Variants in LRRC4C observed in about 807,000 individuals in gnomAD.
LRRC4C encodes leucine-rich repeat-containing protein 4C.
A neutral mutation model predicts 33.6 loss-of-function variants in LRRC4C; 5 were observed. The ratio of observed to expected loss-of-function variants is 0.15; its 90% CI spans 0.08 to 0.31. LRRC4C has a LOEUF of 0.31. LRRC4C is among the 10% of genes least tolerant of loss of function. The probability of loss-of-function intolerance (pLI) is 1.00; values close to 1 mark genes in which losing one functional copy is unlikely to be tolerated. For synonymous variants in LRRC4C, 329 were observed against 302.0 expected, an observed-to-expected ratio of 1.09 and a Z score of -0.93; for missense variants, 560 against 796.7, an observed-to-expected ratio of 0.70 and a Z score of 3.58.
chr11:40,432,474 C>T (rs959816148), intron 3 of LRRC4C, among the ~76,000 whole-genome samples: 2 of 152,166 alleles, frequency 1.3e-5, no homozygotes, highest in Non-Finnish European at 2.9e-5. Context: ...TGGTTCTTAA[C>T]GTATTGCTAA....
chr11:40,423,157 A>G (rs1445289359), intron 3 of LRRC4C, among the ~76,000 whole-genome samples: 1 of 152,074 alleles, frequency 6.6e-6, no homozygotes, highest in African/African-American at 2.4e-5. Flanking sequence ...ACCAAATGCT[A>G]AAAGTCACAT....
intron 1 of LRRC4C, among the ~76,000 whole-genome samples, chr11:41,239,379 G>A (rs1478103839): frequency 6.8e-6 from 1 of 146,898 alleles, no homozygotes; most frequent in African/African-American, 2.5e-5. Flanking sequence ...TTTAATCAGA[G>A]TAATTGCCAA....
chr11:40,410,588 T>G (rs1950122744), intron 3 of LRRC4C, among the ~76,000 whole-genome samples: 1 of 152,110 alleles, frequency 6.6e-6, no homozygotes, highest in Non-Finnish European at 1.5e-5. Flanking sequence ...CCTGCTTCTC[T>G]GCTGCATGGA....
At chr11:40,162,611 T>C (rs1859250835) in intron 5 of LRRC4C, among the ~76,000 whole-genome samples, 1 of 152,176 alleles carries the variant, frequency 6.6e-6, no homozygotes. Context: ...TCTGCAAATG[T>C]TTCGTCGCTT....
Position 40,987,642 on chromosome 11 carries a change from TA to T in LRRC4C, c.-495-53920del, listed in dbSNP as rs1853121387. On this transcript the variant is annotated intron_variant, in intron 1 of 6. Transcript: ENST00000528697. ...ACAAGTGGGTAATGATATATATATA[TA>T]TATATATATCTCATATATATGAGAT... is the stretch of plus-strand genomic sequence containing the variant. Among the ~76,000 whole-genome samples the T allele has an allele frequency of 3.3e-5, 2 of 59,770 alleles. 1 individual carries two copies. The highest frequency in any genetic ancestry group is 1.3e-4 in the African/African-American group (2 of 15,384). 39.2% of individuals were successfully genotyped at this position (59,770 alleles called of 152,430 possible). A position where few individuals can be genotyped will look rare whatever the true frequency, so the allele number is the denominator to read the frequency against.
In LRRC4C at chr11:41,304,835, G is replaced by A. The variant is rs1343010389; in HGVS notation, c.-496+154596C>T. Among the ~76,000 whole-genome samples, 36 of 86,438 alleles carry A rather than the reference G, an allele frequency of 4.2e-4. 1 individual carries two copies. Among genetic ancestry groups the A allele is most frequent in the East Asian group, 8.1e-4 (2 of 2,478 alleles). 56.7% of individuals were successfully genotyped at this position (86,438 alleles called of 152,430 possible). A position where few individuals can be genotyped will look rare whatever the true frequency, so the allele number is the denominator to read the frequency against. On this transcript the variant is annotated intron_variant, in intron 1 of 6. Transcript: ENST00000528697. ...AGGGAGGTGGGGGGGTCAGCCCCCC[G>A]CCCGGCCAGCCGCCCCATCCGGGAG...
intron 3 of LRRC4C, among the ~76,000 whole-genome samples, chr11:40,475,474 T>C (rs1953167334): frequency 6.6e-6 from 1 of 152,022 alleles, no homozygotes; most frequent in African/African-American, 2.4e-5. Context: ...AGGGGAGGGA[T>C]AGCATTAGGA....
intron 1 of LRRC4C, among the ~76,000 whole-genome samples, chr11:41,125,105 G>T (rs1322935032): frequency 6.6e-6 from 1 of 152,126 alleles, no homozygotes; most frequent in African/African-American, 2.4e-5. Flanking sequence ...GCCCCACCCA[G>T]AATTGCTCCA....
In LRRC4C at chr11:40,408,649, A is replaced by G. The variant is rs887428928; in HGVS notation, c.-269-88928T>C. Among the ~76,000 whole-genome samples, 3 of 152,112 alleles carry G rather than the reference A, an allele frequency of 2.0e-5. No individual in the cohort carries two copies. The East Asian group carries it at 5.8e-4, about 29-fold the overall frequency. On this transcript the variant is annotated intron_variant, in intron 3 of 6. Transcript: ENST00000528697. ...GAATAGCCTGTTTTTATATGCCCCA[A>G]AATGGCTTTTGCATTTTAAAGTTGT... is the stretch of plus-strand genomic sequence containing the variant.
intron 1 of LRRC4C, among the ~76,000 whole-genome samples, chr11:40,947,971 T>G (rs1958486425): frequency 6.6e-6 from 1 of 152,146 alleles, no homozygotes; most frequent in South Asian, 2.1e-4. Context: ...TTGTCCTCAT[T>G]TTTTTTCAGC....
chr11:40,603,485 G>A (rs754576712), intron 3 of LRRC4C, among the ~76,000 whole-genome samples: 16 of 152,134 alleles, frequency 1.1e-4, no homozygotes, highest in Non-Finnish European at 1.8e-4. Context: ...TAGAAAATCC[G>A]ATACAGATCT....
chr11:41,190,668 A>G (rs189422677), intron 1 of LRRC4C, among the ~76,000 whole-genome samples: 2 of 152,302 alleles, frequency 1.3e-5, no homozygotes, highest in African/African-American at 4.8e-5. Context: ...GTGTTCGTCT[A>G]CACTTGCATA....
At chr11:40,647,708 T>A (rs922642471) in intron 3 of LRRC4C, among the ~76,000 whole-genome samples, 4 of 152,210 alleles carry the variant, frequency 2.6e-5, no homozygotes, top group South Asian at 2.1e-4. Context: ...TGTTCCATAT[T>A]AATGATTGAA....
chr11:40,386,052 G>GAAAAT (rs1442966279), intron 3 of LRRC4C, among the ~76,000 whole-genome samples: 1 of 146,006 alleles, frequency 6.8e-6, no homozygotes, highest in African/African-American at 2.5e-5. Context: ...AATAAAAGTT[G>GAAAAT]AAAATAAAAT....
At chr11:40,223,876 A>G (rs1436661360) in intron 5 of LRRC4C, among the ~76,000 whole-genome samples, 1 of 152,226 alleles carries the variant, frequency 6.6e-6, no homozygotes, top group Non-Finnish European at 1.5e-5. Flanking sequence ...TCTAACTGTA[A>G]AGAATCTTCA....
chr11:41,169,217 AT>A (rs1237782054), intron 1 of LRRC4C, among the ~76,000 whole-genome samples: 6 of 152,190 alleles, frequency 3.9e-5, no homozygotes, highest in Non-Finnish European at 5.9e-5. Context: ...GCCATTTCTT[AT>A]TTATTCTTTT....
intron 1 of LRRC4C, among the ~76,000 whole-genome samples, chr11:41,146,970 A>G (rs539927308): frequency 2.0e-5 from 3 of 152,350 alleles, no homozygotes; most frequent in Non-Finnish European, 2.9e-5. Flanking sequence ...GGATGATTCT[A>G]TCCAAACTCT....
At chr11:41,021,429 C>G (rs991644408) in intron 1 of LRRC4C, among the ~76,000 whole-genome samples, 2 of 152,104 alleles carry the variant, frequency 1.3e-5, no homozygotes, top group Non-Finnish European at 1.5e-5. Flanking sequence ...CTAGACTTCC[C>G]TAAACACTAA....
chr11:40,544,931 T>A (rs1956857152), intron 3 of LRRC4C, among the ~76,000 whole-genome samples: 1 of 152,062 alleles, frequency 6.6e-6, no homozygotes, highest in African/African-American at 2.4e-5. Flanking sequence ...AGCCTGTACT[T>A]CCCAAACAAC....
Sources: allele counts gnomAD v4.1 joint callset (sites outside exome capture counted in the v4.1 genomes callset), GRCh38; gene constraint gnomAD v4.1.1; transcripts MANE v1.5; gene names NCBI Gene and HGNC (gene_info 2026-07-23, HGNC 2026-07-21).